KCNIP4: variants seen among roughly 807,000 people sequenced by gnomAD.
KCNIP4 encodes potassium voltage-gated channel interacting protein 4, also known as Kv channel-interacting protein 4.
Under a neutral mutation model 34.0 loss-of-function variants are expected in KCNIP4, and 12 were observed. The observed-to-expected ratio is 0.35, with a 90% CI of 0.23 to 0.57. The LOEUF is 0.57. KCNIP4 is among the 20% of genes least tolerant of loss of function. The probability of loss-of-function intolerance (pLI) is 0.83; values close to 1 mark genes in which losing one functional copy is unlikely to be tolerated. For synonymous variants in KCNIP4, 124 were observed against 102.2 expected (o/e 1.21, Z -1.29); for missense variants, 238 against 311.7 (o/e 0.76, Z 1.78).
intron 1 of KCNIP4, among the ~76,000 whole-genome samples, chr4:21,633,377 G>C (rs967427642): frequency 2.0e-5 from 3 of 152,100 alleles, no homozygotes; most frequent in Non-Finnish European, 4.4e-5. Context: ...TGGGATGTTA[G>C]TGAATATAAT....
At chr4:21,725,292 ACAC>A (rs1715108832) in intron 1 of KCNIP4, among the ~76,000 whole-genome samples, 1 of 152,132 alleles carries the variant, frequency 6.6e-6, no homozygotes, top group Non-Finnish European at 1.5e-5. Context: ...CACAACATTC[ACAC>A]CATTTGTGAA....
intron 1 of KCNIP4, among the ~76,000 whole-genome samples, chr4:21,564,909 G>T (rs544638595): frequency 6.6e-6 from 1 of 152,034 alleles, no homozygotes; most frequent in Non-Finnish European, 1.5e-5. Context: ...TTACCACAAG[G>T]ACAACACCAA....
intron 1 of KCNIP4, among the ~76,000 whole-genome samples, chr4:21,544,855 T>C (rs1402831226): frequency 6.6e-6 from 1 of 151,898 alleles, no homozygotes; most frequent in Non-Finnish European, 1.5e-5. Context: ...CATAATAAAC[T>C]TGCTTCAAAT....
At chr4:20,820,932 C>A (rs868241657) in intron 3 of KCNIP4, among the ~76,000 whole-genome samples, 22 of 152,332 alleles carry the variant, frequency 1.4e-4, no homozygotes, top group Middle Eastern at 3.4e-3. Context: ...GTGCTAACTG[C>A]TGGTGCACAG....
Position 21,868,812 on chromosome 4 carries a change from C to T in KCNIP4, c.61+79759G>A, listed in dbSNP as rs544443464. 5.3e-5 allele frequency among the ~76,000 whole-genome samples: 8 copies of T among 152,276 alleles called. No individual in the cohort carries two copies. The South Asian group carries it at 1.5e-3, about 28-fold the overall frequency. The stretch of plus-strand genomic sequence containing the variant: ...TAGACCATGGGGTGGCTTCATATCA[C>T]GCCTCCAGAACATAATGCCATAAAG... On this transcript the variant is annotated intron_variant, in intron 1 of 8. Coordinates refer to ENST00000382152, the MANE Select transcript of KCNIP4 (RefSeq NM_025221.6).
chr4:21,184,692 C>A (rs1177412121), intron 1 of KCNIP4, among the ~76,000 whole-genome samples: 1 of 152,044 alleles, frequency 6.6e-6, no homozygotes, highest in African/African-American at 2.4e-5. Context: ...GCATCAATGC[C>A]CACAATCAGG....
chr4:21,482,160 C>A (rs1019995595), intron 1 of KCNIP4, among the ~76,000 whole-genome samples: 8 of 151,670 alleles, frequency 5.3e-5, no homozygotes, highest in Admixed American at 3.9e-4. Flanking sequence ...TTTCCATTTG[C>A]TTGGTAGATC....
intron 1 of KCNIP4, among the ~76,000 whole-genome samples, chr4:21,597,269 C>G (rs1463024924): frequency 6.6e-6 from 1 of 152,020 alleles, no homozygotes; most frequent in Non-Finnish European, 1.5e-5. Flanking sequence ...ACCACTTTCA[C>G]TTGGTTCTCT....
chr4:21,445,927 GA>G (rs1727944045), intron 1 of KCNIP4, among the ~76,000 whole-genome samples: 1 of 151,938 alleles, frequency 6.6e-6, no homozygotes, highest in Admixed American at 6.6e-5. Context: ...AAATTTACAA[GA>G]AAAAAACAAA....
intron 3 of KCNIP4, among the ~76,000 whole-genome samples, chr4:20,779,587 C>CCACA (rs1245241913): frequency 3.9e-5 from 5 of 127,548 alleles, no homozygotes; most frequent in African/African-American, 1.5e-4. Context: ...CCCCCCCCCC[C>CCACA]CACACAAAAA....
intron 1 of KCNIP4, among the ~76,000 whole-genome samples, chr4:21,924,629 C>T: frequency 6.6e-6 from 1 of 152,246 alleles, no homozygotes; most frequent in Admixed American, 6.5e-5. Flanking sequence ...CTCTTATCTG[C>T]AAGAGCAACT....
intron 3 of KCNIP4, among the ~76,000 whole-genome samples, chr4:20,784,420 T>C (rs1711648506): frequency 6.6e-6 from 1 of 152,200 alleles, no homozygotes; most frequent in Admixed American, 6.5e-5. Flanking sequence ...TAGAATCCTC[T>C]TTCCTTCTCC....
chr4:21,358,137 G>C (rs1013621690), intron 1 of KCNIP4, among the ~76,000 whole-genome samples: 2 of 152,084 alleles, frequency 1.3e-5, no homozygotes, highest in African/African-American at 4.8e-5. Flanking sequence ...CTTGGACACA[G>C]GGAAGAGAAC....
intron 1 of KCNIP4, among the ~76,000 whole-genome samples, chr4:21,268,926 G>A (rs1761976613): frequency 1.3e-5 from 2 of 152,180 alleles, no homozygotes; most frequent in African/African-American, 2.4e-5. Context: ...CAGGCAGGAG[G>A]AGCTACATCT....
chr4:21,339,493 A>G (rs1484530678), intron 1 of KCNIP4, among the ~76,000 whole-genome samples: 1 of 152,218 alleles, frequency 6.6e-6, no homozygotes, highest in African/African-American at 2.4e-5. Context: ...ATACCTTAAG[A>G]GACTTTTTCT....
chr4:21,064,789 G>A (rs1744210942), intron 1 of KCNIP4, among the ~76,000 whole-genome samples: 1 of 152,052 alleles, frequency 6.6e-6, no homozygotes, highest in African/African-American at 2.4e-5. Context: ...CTCGCTAAAT[G>A]TATTGTGAAA....
intron 1 of KCNIP4, among the ~76,000 whole-genome samples, chr4:21,909,835 G>T (rs1728202340): frequency 1.3e-5 from 2 of 151,932 alleles, no homozygotes; most frequent in South Asian, 4.2e-4. Flanking sequence ...CAAGCAAAAG[G>T]GGTTTCCCCT....
At chr4:20,874,832 A>G (rs1723835036) in intron 2 of KCNIP4, among the ~76,000 whole-genome samples, 2 of 152,192 alleles carry the variant, frequency 1.3e-5, no homozygotes, top group South Asian at 4.1e-4. Context: ...ATATTCTAAT[A>G]GGTAAAACAT....
At position 21,536,258 on chromosome 4, in the gene KCNIP4, G is replaced by C. The variant is rs191268292; in HGVS notation, c.61+412313C>G. Among the ~76,000 whole-genome samples, 79 of 152,256 alleles carry C rather than the reference G, an allele frequency of 5.2e-4. 1 individual carries two copies. Among genetic ancestry groups the C allele is most frequent in the Middle Eastern group, 3.4e-3 (1 of 294 alleles). On this transcript the variant is annotated intron_variant, in intron 1 of 8. Transcript: ENST00000382152. ...AGGCTACGTATTTGAGATTTTGCAA[G>C]CCAGGCAATATTGCAAGTTAACATG...
Sources: allele counts gnomAD v4.1 joint callset (sites outside exome capture counted in the v4.1 genomes callset), GRCh38; gene constraint gnomAD v4.1.1; transcripts MANE v1.5; gene names NCBI Gene and HGNC (gene_info 2026-07-23, HGNC 2026-07-21).